KCNB2: variants seen among roughly 807,000 people sequenced by gnomAD.
KCNB2 encodes the protein potassium voltage-gated channel subfamily B member 2, also known as delayed rectifier potassium channel protein.
A neutral mutation model predicts 61.5 loss-of-function variants in KCNB2; 15 were observed. That is an observed-to-expected ratio of 0.24 (90% CI 0.16 to 0.38). The LOEUF is 0.38. KCNB2 is among the 10% of genes least tolerant of loss of function. The probability of loss-of-function intolerance (pLI) is 1.00; values close to 1 mark genes in which losing one functional copy is unlikely to be tolerated. For missense variants in KCNB2, 828 were observed against 1,125.2 expected (o/e 0.74, Z 3.78); for synonymous variants, 457 against 446.0 (o/e 1.02, Z -0.31).
chr8:72,912,554 C>A (rs1466615022), intron 2 of KCNB2, among the ~76,000 whole-genome samples: 2 of 143,890 alleles, frequency 1.4e-5, no homozygotes, highest in Non-Finnish European at 3.0e-5. Context: ...GTTTATATAT[C>A]CTATATATGT....
chr8:72,644,901 G>C (rs1166744860), intron 2 of KCNB2, among the ~76,000 whole-genome samples: 1 of 152,186 alleles, frequency 6.6e-6, no homozygotes, highest in African/African-American at 2.4e-5. Context: ...TAGGTCGGTT[G>C]ACTCCAAGTC....
intron 2 of KCNB2, among the ~76,000 whole-genome samples, chr8:72,718,891 G>A (rs1585850847): frequency 6.6e-6 from 1 of 152,192 alleles, no homozygotes; most frequent in African/African-American, 2.4e-5. Context: ...GAAAACCGAG[G>A]TTTAGAGAAT....
chr8:72,702,093 T>A (rs1218370382), intron 2 of KCNB2, among the ~76,000 whole-genome samples: 1 of 152,112 alleles, frequency 6.6e-6, no homozygotes, highest in Non-Finnish European at 1.5e-5. Flanking sequence ...TCAGACAAAT[T>A]CATCTTCATC....
chr8:72,779,863 C>T (rs976685745), intron 2 of KCNB2, among the ~76,000 whole-genome samples: 1 of 152,168 alleles, frequency 6.6e-6, no homozygotes, highest in African/African-American at 2.4e-5. Flanking sequence ...TTCCCAGTGA[C>T]TCGGTATTCA....
At chr8:72,929,717 G>A (rs960045947) in intron 2 of KCNB2, among the ~76,000 whole-genome samples, 7 of 152,098 alleles carry the variant, frequency 4.6e-5, no homozygotes, top group Admixed American at 2.6e-4. Context: ...CCAAATTTCC[G>A]AAGGGTTTAA....
chr8:72,600,402 A>G (rs183579121), intron 2 of KCNB2, among the ~76,000 whole-genome samples: 6,045 of 152,080 alleles, frequency 0.04, 179 homozygotes, highest in Middle Eastern at 0.11. Flanking sequence ...ATGAGAACAC[A>G]TGGACACAGG....
At chr8:72,673,719 C>T (rs995848749) in intron 2 of KCNB2, among the ~76,000 whole-genome samples, 3 of 152,150 alleles carry the variant, frequency 2.0e-5, no homozygotes, top group Admixed American at 2.0e-4. Flanking sequence ...TCTTGTTCCA[C>T]TTATATGATG....
intron 2 of KCNB2, among the ~76,000 whole-genome samples, chr8:72,766,645 G>A (rs139421149): frequency 8.2e-4 from 125 of 152,232 alleles, no homozygotes; most frequent in Non-Finnish European, 1.4e-3. Context: ...ATGTATTAAC[G>A]CGTGCACTTA....
intron 2 of KCNB2, among the ~76,000 whole-genome samples, chr8:72,926,749 AG>A (rs1806657245): frequency 6.6e-6 from 1 of 152,190 alleles, no homozygotes. Flanking sequence ...CATAGCAAGC[AG>A]GGTCGAGATT....
intron 2 of KCNB2, among the ~76,000 whole-genome samples, chr8:72,577,293 A>ATG (rs1806811251): frequency 1.7e-5 from 2 of 117,344 alleles, no homozygotes; most frequent in Non-Finnish European, 4.1e-5. Context: ...GCCCATGTGT[A>ATG]TGTGTGTGTG....
intron 2 of KCNB2, among the ~76,000 whole-genome samples, chr8:72,887,864 G>A (rs953292557): frequency 6.6e-6 from 1 of 152,204 alleles, no homozygotes; most frequent in South Asian, 2.1e-4. Context: ...AGCTTGGAAT[G>A]TGAACAGGCC....
intron 2 of KCNB2, among the ~76,000 whole-genome samples, chr8:72,820,758 T>C (rs1445305002): frequency 2.6e-5 from 4 of 152,196 alleles, no homozygotes; most frequent in Non-Finnish European, 5.9e-5. Flanking sequence ...CTAAATTTCT[T>C]ATCCCACTTC....
At chr8:72,935,307 G>A (rs561930522) in intron 2 of KCNB2, among the ~76,000 whole-genome samples, 4 of 152,216 alleles carry the variant, frequency 2.6e-5, no homozygotes, top group Admixed American at 2.6e-4. Context: ...AAACCTTCCT[G>A]CACTCTTTGA....
chr8:72,775,165 G>A (rs1472081051), intron 2 of KCNB2, among the ~76,000 whole-genome samples: 4 of 152,044 alleles, frequency 2.6e-5, no homozygotes, highest in Non-Finnish European at 4.4e-5. Flanking sequence ...CTGCCCTTCC[G>A]GTCAGGGCCT....
At chr8:72,557,465 A>G (rs117842059) in intron 1 of KCNB2, among the ~76,000 whole-genome samples, 2,063 of 152,352 alleles carry the variant, frequency 0.014, 19 homozygotes, top group Non-Finnish European at 0.019. Context: ...CTCACCAGAC[A>G]TGAAATATCT....
chr8:72,713,755 C>T (rs184606024), intron 2 of KCNB2, among the ~76,000 whole-genome samples: 4,871 of 152,236 alleles, frequency 0.032, 106 homozygotes, highest in Non-Finnish European at 0.048. Flanking sequence ...CAGAGTGCCT[C>T]TCCTCCTCCA....
intron 1 of KCNB2, among the ~76,000 whole-genome samples, chr8:72,539,769 A>G (rs1806164453): frequency 6.6e-6 from 1 of 152,200 alleles, no homozygotes; most frequent in Non-Finnish European, 1.5e-5. Context: ...ACTGTTCTCC[A>G]AGTCCAACAA....
intron 2 of KCNB2, among the ~76,000 whole-genome samples, chr8:72,699,341 T>C (rs1488316557): frequency 1.3e-5 from 2 of 152,116 alleles, no homozygotes; most frequent in Non-Finnish European, 2.9e-5. Flanking sequence ...TCTCTAATGA[T>C]CAGTGATGAT....
intron 2 of KCNB2, among the ~76,000 whole-genome samples, chr8:72,738,372 AT>A (rs554973295): frequency 5.8e-4 from 88 of 152,322 alleles, no homozygotes; most frequent in African/African-American, 2.0e-3. Flanking sequence ...CCCTCTGGGA[AT>A]TGATCACCAA....
Sources: allele counts gnomAD v4.1 joint callset (sites outside exome capture counted in the v4.1 genomes callset), GRCh38; gene constraint gnomAD v4.1.1; transcripts MANE v1.5; gene names NCBI Gene and HGNC (gene_info 2026-07-23, HGNC 2026-07-21).